The following ABCG1 variants were observed in gnomAD, a reference collection of about 807,000 sequenced individuals.
ABCG1 encodes ATP-binding cassette sub-family G member 1.
A neutral mutation model predicts 69.2 loss-of-function variants in ABCG1; 29 were observed. The observed-to-expected ratio is 0.42, with a 90% CI of 0.31 to 0.57. The LOEUF is 0.57. Among genes scored for constraint, ABCG1 ranks in the 20% least tolerant of loss-of-function variants. The pLI is 0.15. For synonymous variants in ABCG1, 370 were observed against 374.8 expected, an observed-to-expected ratio of 0.99 and a Z score of 0.15; for missense variants, 718 against 898.1, an observed-to-expected ratio of 0.80 and a Z score of 2.56.
chr21:42,264,681 G>A (rs225392), intron 2 of ABCG1, among the ~76,000 whole-genome samples: 68,345 of 151,820 alleles, frequency 0.45, 15,632 homozygotes, highest in Middle Eastern at 0.59. Flanking sequence ...TGGAGAGAAA[G>A]AGAGAGAGGA....
Position 42,291,857 on chromosome 21 carries a change from C to T in ABCG1, c.1653+201C>T, listed in dbSNP as rs73364640. 2.0e-5 allele frequency among the ~76,000 whole-genome samples: 3 copies of T among 152,196 alleles called. No homozygotes were observed. Among genetic ancestry groups the T allele is most frequent in the African/African-American group, 4.8e-5 (2 of 41,448 alleles). The stretch of plus-strand genomic sequence containing the variant: ...ACAGTGCGCACAGCGGGCAGCCTCA[C>T]GTGTGCTGACTGCGTGCTGGGCGCT... On this transcript the variant is annotated intron_variant, in intron 13 of 14. Coordinates refer to ENST00000398449, the MANE Select transcript of ABCG1 (RefSeq NM_016818.3). The surrounding 1 kb of genome is among the most constrained non-coding windows in gnomAD (Gnocchi z 6.4).
intron 2 of ABCG1, among the ~76,000 whole-genome samples, chr21:42,207,502 C>T (rs1395572485): frequency 6.6e-6 from 1 of 152,238 alleles, no homozygotes; most frequent in Non-Finnish European, 1.5e-5. Context: ...CTCACTGAAG[C>T]ATTTTTATGA....
In ABCG1 at chr21:42,288,741, G is replaced by T. The variant is rs150041260; in HGVS notation, c.1224+429G>T. 6.6e-6 allele frequency among the ~76,000 whole-genome samples: 1 copy of T among 150,984 alleles called. No homozygotes were observed. The highest frequency in any genetic ancestry group is 2.4e-5 in the African/African-American group (1 of 41,062). ...AAGAAAGGAAAGAAAGGAAGGGAAA[G>T]GGAAAGGGAGAAAGGAAGGGAAGGG... On this transcript the variant is annotated intron_variant, in intron 10 of 14. Coordinates refer to ENST00000398449, the MANE Select transcript of ABCG1 (RefSeq NM_016818.3). This position sits in a 1 kb window ranked among gnomAD's most constrained non-coding sequence, Gnocchi z 4.8.
At chr21:42,243,010 T>C (rs1056815047) in intron 2 of ABCG1, among the ~76,000 whole-genome samples, 1 of 152,146 alleles carries the variant, frequency 6.6e-6, no homozygotes, top group African/African-American at 2.4e-5. Flanking sequence ...GAGGAGTTGA[T>C]GGCCATGTGG....
In ABCG1 at chr21:42,291,144, C is replaced by G; in HGVS notation, c.1446C>G (p.Ser482Arg). Reference protein sequence around the residue: ...FLREHLNYWYSLKAYYLAKTM... With the variant: ...FLREHLNYWYRLKAYYLAKTM... ...GGGAACACCTGAACTACTGGTACAG[C>G]CTGAAGGCCTACTACCTGGCCAAGA... The change falls in exon 12 of 15, where the codon AGC becomes AGG. Residue 482 changes from serine to arginine, a missense_variant. Coordinates refer to ENST00000398449, the MANE Select transcript of ABCG1 (RefSeq NM_016818.3). The surrounding 1 kb of genome is among the most constrained non-coding windows in gnomAD (Gnocchi z 6.4). The G allele has an allele frequency of 6.2e-7, 1 of 1,614,188 alleles. No homozygotes were observed. Among genetic ancestry groups the G allele is most frequent in the Non-Finnish European group, 8.5e-7 (1 of 1,180,026 alleles).
Position 42,273,060 on chromosome 21 carries a change from C to T in ABCG1, c.405-243C>T, listed in dbSNP as rs930027789. On this transcript the variant is annotated intron_variant, in intron 3 of 14. Coordinates refer to ENST00000398449, the MANE Select transcript of ABCG1 (RefSeq NM_016818.3). The surrounding 1 kb of genome is among the most constrained non-coding windows in gnomAD (Gnocchi z 5.3). The stretch of plus-strand genomic sequence containing the variant: ...CCCTTAGTATAAACACACCATCCCA[C>T]GGAGGCCTGTGTGCAGCTTCCTCTT... Among the ~76,000 whole-genome samples, 1 of 152,216 alleles carries T rather than the reference C, an allele frequency of 6.6e-6. No individual in the cohort carries two copies. Among genetic ancestry groups the T allele is most frequent in the Non-Finnish European group, 1.5e-5 (1 of 68,036 alleles).
chr21:42,240,197 G>A (rs1318844341), intron 2 of ABCG1, among the ~76,000 whole-genome samples: 1 of 152,192 alleles, frequency 6.6e-6, no homozygotes, highest in Non-Finnish European at 1.5e-5. Flanking sequence ...GTCTCCAACG[G>A]CCACACGAGG....
chr21:42,250,094 C>T (rs529874770), intron 2 of ABCG1, among the ~76,000 whole-genome samples: 1 of 150,318 alleles, frequency 6.7e-6, no homozygotes, highest in South Asian at 2.1e-4. Flanking sequence ...CACGTGTGAA[C>T]ACATATGGGG....
intron 2 of ABCG1, among the ~76,000 whole-genome samples, chr21:42,268,789 C>T (rs73905598): frequency 1.3e-5 from 2 of 152,126 alleles, no homozygotes; most frequent in South Asian, 2.1e-4. Context: ...CAGCCTGAGA[C>T]CACCTGTCCT....
In ABCG1 at chr21:42,268,395, G is replaced by A. The variant is rs543631819; in HGVS notation, c.287-2675G>A. On this transcript the variant is annotated intron_variant, in intron 2 of 14. Transcript: ENST00000398449. ...TGTGTGTGTGTGTGTGTGTGCGCGC[G>A]CGCGCTGGATACTCAGGAAACCCGA... Among the ~76,000 whole-genome samples, 477 of 152,064 alleles carry A rather than the reference G, an allele frequency of 3.1e-3. 2 individuals carry two copies. The highest frequency in any genetic ancestry group is 0.014 in the Middle Eastern group (4 of 294).
rs185126006 is a variant in ABCG1 at position 42,253,138 on chromosome 21, G to C, written c.287-17932G>C. 3.7e-3 allele frequency among the ~76,000 whole-genome samples: 563 copies of C among 152,288 alleles called. 7 individuals are homozygous for C. Among genetic ancestry groups the C allele is most frequent in the African/African-American group, 0.012 (519 of 41,552 alleles). ...CCTTGGAGGAGCTGGTGGGACAAAG[G>C]CTGTTCCCAGGGATTGCACCTGCCT... On this transcript the variant is annotated intron_variant, in intron 2 of 14. Coordinates refer to ENST00000398449, the MANE Select transcript of ABCG1 (RefSeq NM_016818.3).
At chr21:42,257,191 G>A (rs2068320250) in intron 2 of ABCG1, among the ~76,000 whole-genome samples, 1 of 152,296 alleles carries the variant, frequency 6.6e-6, no homozygotes, top group East Asian at 1.9e-4. Context: ...ATCTAGAGCC[G>A]ATTTGGAAAT....
chr21:42,271,145 G>C lies in ABCG1; in HGVS notation c.362G>C (p.Gly121Ala). Residue 121 changes from glycine (G) to alanine (A), a missense_variant, in exon 3 of 15, where the codon GGG (glycine) becomes GCG (alanine). Physicochemically the swap from Gly to Ala is moderately conservative, Grantham distance 60. Around this residue, in one of 2 missense-constraint regions of ABCG1, gnomAD observed 514 missense variants for 574.3 expected, o/e 0.90. Transcript: ENST00000398449. ...GELVAIMGPS[G>A]AGKSTLMNIL... Reference sequence around the variant, plus strand: ...TTGGTGGCCATTATGGGTCCTTCCGGGGCCGGGAAGTCCACGCTGATGAAC... The same window carrying C: ...TTGGTGGCCATTATGGGTCCTTCCGCGGCCGGGAAGTCCACGCTGATGAAC... 1 of 1,580,170 alleles carries C rather than the reference G, an allele frequency of 6.3e-7. No homozygotes were observed. Among genetic ancestry groups the C allele is most frequent in the Non-Finnish European group, 8.6e-7 (1 of 1,165,904 alleles).
Position 42,219,758 on chromosome 21 carries a change from A to G in ABCG1, c.42+454A>G. ...TTGGGGACCGGGGACTTCTCGCGCCATCCCCAGGAACGCCAGGCAAGGTCT... is the reference window on the plus strand; with the variant it reads ...TTGGGGACCGGGGACTTCTCGCGCCGTCCCCAGGAACGCCAGGCAAGGTCT... On this transcript the variant is annotated intron_variant, in intron 1 of 14. Transcript: ENST00000398449. This position sits in a 1 kb window ranked among gnomAD's most constrained non-coding sequence, Gnocchi z 5.3. The G allele has an allele frequency of 1.5e-6, 2 of 1,359,444 alleles. No individual in the cohort carries two copies. Among genetic ancestry groups the G allele is most frequent in the Non-Finnish European group, 1.9e-6 (2 of 1,042,188 alleles). The allele number at this position is 1,359,444 out of a possible 1,614,324, so 84.2% of individuals were successfully genotyped here. A position where few individuals can be genotyped will look rare whatever the true frequency, so the allele number is the denominator to read the frequency against.
In ABCG1 at chr21:42,296,322, G is replaced by T. The variant is rs942549501; in HGVS notation, c.1931G>T (p.Gly644Val). Residue 644 changes from glycine (G) to valine (V), a missense_variant, in exon 15 of 15, where the codon GGG (glycine) becomes GTG (valine). By Grantham distance (109) the Gly-to-Val change is moderately radical. Transcript: ENST00000398449. This position sits in a 1 kb window ranked among gnomAD's most constrained non-coding sequence, Gnocchi z 5.4. The part of the protein sequence containing the change: ...AKLYLDFIVL[G>V]IFFISLRLIA... ...CTGTACCTGGACTTCATCGTACTCGGGATTTTCTTCATCTCCCTCCGCCTC... is the reference window on the plus strand; with the variant it reads ...CTGTACCTGGACTTCATCGTACTCGTGATTTTCTTCATCTCCCTCCGCCTC... 9 of 1,613,948 alleles carry T rather than the reference G, an allele frequency of 5.6e-6. No homozygotes were observed. Among genetic ancestry groups the T allele is most frequent in the Non-Finnish European group, 5.9e-6 (7 of 1,180,010 alleles).
chr21:42,260,711 T>C (rs192757138), intron 2 of ABCG1, among the ~76,000 whole-genome samples: 1 of 152,046 alleles, frequency 6.6e-6, no homozygotes, highest in African/African-American at 2.4e-5. Context: ...GGAAGGAAAA[T>C]AGAGGCATCC....
intron 4 of ABCG1, among the ~76,000 whole-genome samples, chr21:42,275,659 C>T (rs2068696806): frequency 6.6e-6 from 1 of 152,228 alleles, no homozygotes; most frequent in Non-Finnish European, 1.5e-5. Context: ...CTAGGGACTC[C>T]TGCTGTCCTC....
At chr21:42,216,489 T>C (rs2067641970), upstream of ABCG1, among the ~76,000 whole-genome samples, 1 of 152,156 alleles carries the variant, frequency 6.6e-6, no homozygotes, top group African/African-American at 2.4e-5. Context: ...TTTCATCCCA[T>C]GTGAACCAGG....
Position 42,258,722 on chromosome 21 carries a change from C to T in ABCG1, c.287-12348C>T, listed in dbSNP as rs181186017. 5.0e-3 allele frequency among the ~76,000 whole-genome samples: 764 copies of T among 152,318 alleles called. 10 individuals are homozygous for T. Among genetic ancestry groups the T allele is most frequent in the African/African-American group, 0.017 (720 of 41,568 alleles). On this transcript the variant is annotated intron_variant, in intron 2 of 14. Transcript: ENST00000398449. ...CCGAGGTCAGCCTTCCTCTGCCTCT[C>T]AGGGGAGTAGGGCGCCTGCTGGCAG...
Sources: gnomAD v4.1 joint callset for allele counts (sites outside exome capture counted in the v4.1 genomes callset) on GRCh38, gnomAD v4.1.1 for gene constraint, gnomAD v4.1.1 regional missense constraint, Gnocchi (gnomAD v3.1) non-coding constraint, MANE v1.5 for transcripts, NCBI Gene and HGNC (gene_info 2026-07-23, HGNC 2026-07-21) for gene names.